NCOA2: variants seen among roughly 807,000 people sequenced by gnomAD.
NCOA2 encodes class E basic helix-loop-helix protein 75.
Under a neutral mutation model 145.1 loss-of-function variants are expected in NCOA2, and 21 were observed. The observed-to-expected ratio is 0.14, with a 90% CI of 0.10 to 0.21. The LOEUF is 0.21. NCOA2 is among the 10% of genes least tolerant of loss of function. NCOA2 has a pLI of 1.00. For missense variants in NCOA2, 1,472 were observed against 1,837.6 expected, an observed-to-expected ratio of 0.80 and a Z score of 3.64; for synonymous variants, 619 against 637.5, an observed-to-expected ratio of 0.97 and a Z score of 0.44.
At chr8:70,421,863 G>A in the NCOA2 span, among the ~76,000 whole-genome samples, 1 of 152,132 alleles carries the variant, frequency 6.6e-6, no homozygotes, top group Non-Finnish European at 1.5e-5. Context: ...GGGAGGCTGA[G>A]GAGGGTGGAT....
chr8:70,327,695 C>T (rs1442148895), intron 1 of NCOA2, among the ~76,000 whole-genome samples: 2 of 152,056 alleles, frequency 1.3e-5, no homozygotes, highest in South Asian at 4.1e-4. Context: ...ATTTCCAAAG[C>T]GGTTTTTAAT....
chr8:70,233,933 G>A (rs1371658543), intron 2 of NCOA2, among the ~76,000 whole-genome samples: 1 of 152,072 alleles, frequency 6.6e-6, no homozygotes, highest in Non-Finnish European at 1.5e-5. Context: ...TGTATATACA[G>A]GGTTGTGAAA....
At chr8:70,336,602 G>GAGAC (rs1807614021) in intron 1 of NCOA2, among the ~76,000 whole-genome samples, 1 of 132,232 alleles carries the variant, frequency 7.6e-6, no homozygotes, top group African/African-American at 3.5e-5. Flanking sequence ...AGGAGAGACA[G>GAGAC]AGACAGAGAG....
At chr8:70,217,190 C>T (rs1237844401) in intron 2 of NCOA2, among the ~76,000 whole-genome samples, 1 of 152,204 alleles carries the variant, frequency 6.6e-6, no homozygotes, top group Non-Finnish European at 1.5e-5. Context: ...TATGCTGCAA[C>T]AGCTCACCCA....
chr8:70,157,637 A>G (rs531865960), intron 10 of NCOA2, among the ~76,000 whole-genome samples: 2 of 152,192 alleles, frequency 1.3e-5, no homozygotes, highest in African/African-American at 4.8e-5. Context: ...TCCAGAGATT[A>G]TAATTCCTAA....
At chr8:70,296,307 T>G (rs930190771) in intron 2 of NCOA2, among the ~76,000 whole-genome samples, 2 of 152,240 alleles carry the variant, frequency 1.3e-5, no homozygotes, top group Non-Finnish European at 2.9e-5. Context: ...TTTTATAACA[T>G]CTACCCCTGT....
chr8:70,206,469 T>C (rs1818454773), intron 4 of NCOA2, among the ~76,000 whole-genome samples: 1 of 152,252 alleles, frequency 6.6e-6, no homozygotes, highest in African/African-American at 2.4e-5. Flanking sequence ...AGCATTTGTT[T>C]TAACTTCATT....
intron 1 of NCOA2, among the ~76,000 whole-genome samples, chr8:70,354,638 T>C (rs979326072): frequency 4.6e-5 from 7 of 152,170 alleles, no homozygotes; most frequent in African/African-American, 1.7e-4. Flanking sequence ...TAACAATATG[T>C]TTCTAATCTC....
At chr8:70,301,283 A>T (rs1426074796) in intron 1 of NCOA2, among the ~76,000 whole-genome samples, 2 of 152,124 alleles carry the variant, frequency 1.3e-5, no homozygotes. Flanking sequence ...TTCTCAGCCC[A>T]AATGTAGGCC....
At chr8:70,327,633 T>A (rs1806710769) in intron 1 of NCOA2, among the ~76,000 whole-genome samples, 1 of 152,132 alleles carries the variant, frequency 6.6e-6, no homozygotes, top group African/African-American at 2.4e-5. Context: ...CCATCATCAC[T>A]ACTAATCAAA....
chr8:70,126,752 A>G, intron 19 of NCOA2, 61 bp downstream of exon 19: 1 of 1,391,602 alleles, frequency 7.2e-7, no homozygotes, highest in Non-Finnish European at 1.0e-6. Context: ...CTGTGACCCA[A>G]CACTGGGGGA....
At chr8:70,345,147 G>A (rs960338431) in intron 1 of NCOA2, among the ~76,000 whole-genome samples, 2 of 152,230 alleles carry the variant, frequency 1.3e-5, no homozygotes, top group Admixed American at 6.5e-5. Flanking sequence ...AATGCAATAT[G>A]GTTACTCCCC....
upstream of NCOA2, among the ~76,000 whole-genome samples, chr8:70,407,771 G>A (rs1442895421): frequency 6.6e-6 from 1 of 152,022 alleles, no homozygotes; most frequent in Non-Finnish European, 1.5e-5. Flanking sequence ...ACTACAGCCT[G>A]GTGACAGAGC....
Position 70,148,343 on chromosome 8 carries a change from T to G in NCOA2, c.2535A>C (p.Gln845His). 1 of 1,614,018 alleles carries G rather than the reference T, an allele frequency of 6.2e-7. No homozygotes were observed. Among genetic ancestry groups the G allele is most frequent in the Non-Finnish European group, 8.5e-7 (1 of 1,179,904 alleles). ...DKQAIINDLM[Q>H]LTAENSPVTP... ...TGACAGGGCTGTTTTCAGCTGTGAG[T>G]TGCATGAGGTCATTGATGATGGCTT... is the stretch of plus-strand genomic sequence containing the variant. The change falls in exon 12 of 23, where the codon CAA (glutamine) becomes CAC (histidine). Residue 845 changes from glutamine (Q) to histidine (H), a missense_variant. Around this residue, in one of 4 missense-constraint regions of NCOA2, gnomAD observed 953 missense variants for 1,062.1 expected, o/e 0.90. Coordinates refer to ENST00000452400, the MANE Select transcript of NCOA2 (RefSeq NM_006540.4).
chr8:70,145,608 A>G lies in NCOA2; in HGVS notation c.2606-760T>C, dbSNP rs1585828813. 2.0e-5 allele frequency among the ~76,000 whole-genome samples: 3 copies of G among 146,894 alleles called. No individual in the cohort carries two copies. The South Asian group carries it at 6.4e-4, about 31-fold the overall frequency. Reference sequence around the variant, plus strand: ...AGTGCTGGGATTACAGGCCTGAGCCACTGTGCCCAGCCCTTTTTTTTTTTT... The same window carrying G: ...AGTGCTGGGATTACAGGCCTGAGCCGCTGTGCCCAGCCCTTTTTTTTTTTT... On this transcript the variant is annotated intron_variant, in intron 12 of 22. Transcript: ENST00000452400.
chr8:70,333,581 A>C (rs781751009), intron 1 of NCOA2, among the ~76,000 whole-genome samples: 27 of 152,300 alleles, frequency 1.8e-4, no homozygotes, highest in Non-Finnish European at 2.8e-4. Context: ...AAACTTTCAA[A>C]ATTTAACAGA....
the NCOA2 span, among the ~76,000 whole-genome samples, chr8:70,451,521 T>C: frequency 6.6e-6 from 1 of 152,070 alleles, no homozygotes; most frequent in African/African-American, 2.4e-5. Context: ...TCATTTATAA[T>C]GTGTGCGTTT....
chr8:70,114,962 T>A (rs1007745142), intron 22 of NCOA2, among the ~76,000 whole-genome samples: 3 of 152,156 alleles, frequency 2.0e-5, no homozygotes, highest in African/African-American at 7.2e-5. Context: ...AGAATACCTG[T>A]GATTTTACTT....
rs1405129439 is a variant in NCOA2 at position 70,111,423 on chromosome 8, A to T, written c.*2209T>A. 4.5e-6 allele frequency: 1 copy of T among 220,200 alleles called. No individual in the cohort carries two copies. Among genetic ancestry groups the T allele is most frequent in the East Asian group, 6.6e-5 (1 of 15,054 alleles). The allele number at this position is 220,200 out of a possible 1,614,324, so 13.6% of individuals were successfully genotyped here. A position where few individuals can be genotyped will look rare whatever the true frequency, so the allele number is the denominator to read the frequency against. ...CTGGTCACACTGAATTGTATGCCAC[A>T]TGAGCCTCAGCCCACGGGGAGGTCC... On this transcript the variant is annotated 3_prime_UTR_variant, in exon 23 of 23. Coordinates refer to ENST00000452400, the MANE Select transcript of NCOA2 (RefSeq NM_006540.4).
Sources: allele counts gnomAD v4.1 joint callset (sites outside exome capture counted in the v4.1 genomes callset), GRCh38; gene constraint gnomAD v4.1.1; regional missense constraint gnomAD v4.1.1; transcripts MANE v1.5; gene names NCBI Gene and HGNC (gene_info 2026-07-23, HGNC 2026-07-21).